CAB39: variants seen among roughly 807,000 people sequenced by gnomAD.
CAB39 encodes the protein calcium-binding protein 39.
In CAB39, 8 loss-of-function variants were observed where a neutral mutation model predicts 40.0. That is an observed-to-expected ratio of 0.20 (90% CI 0.12 to 0.36). CAB39 has a LOEUF of 0.36. Among genes scored for constraint, CAB39 ranks in the 10% least tolerant of loss-of-function variants. CAB39 has a pLI of 1.00. For synonymous variants in CAB39, 156 were observed against 141.6 expected (o/e 1.10, Z -0.72); for missense variants, 270 against 401.1 (o/e 0.67, Z 2.79).
intron 1 of CAB39, among the ~76,000 whole-genome samples, chr2:230,740,399 A>C (rs571366947): frequency 6.2e-4 from 94 of 152,364 alleles, no homozygotes; most frequent in African/African-American, 2.1e-3. Context: ...AAAAATTTAA[A>C]TGCCATACTA....
At chr2:230,761,230 A>G (rs1695284781) in intron 2 of CAB39, among the ~76,000 whole-genome samples, 1 of 152,212 alleles carries the variant, frequency 6.6e-6, no homozygotes, top group Non-Finnish European at 1.5e-5. Context: ...GTTTGTGTAC[A>G]TTGAAGTATC....
chr2:230,756,338 G>A (rs1695189390), intron 1 of CAB39, among the ~76,000 whole-genome samples: 1 of 152,176 alleles, frequency 6.6e-6, no homozygotes, highest in South Asian at 2.1e-4. Flanking sequence ...GAATACAGTA[G>A]GTATTTGTAA....
intron 2 of CAB39, among the ~76,000 whole-genome samples, chr2:230,764,942 A>C (rs909264257): frequency 3.9e-5 from 6 of 152,238 alleles, no homozygotes; most frequent in African/African-American, 1.4e-4. Flanking sequence ...GTCAAGATTT[A>C]ATAAAATTAA....
At chr2:230,815,670 A>C (rs1348647470) in intron 7 of CAB39, among the ~76,000 whole-genome samples, 1 of 152,174 alleles carries the variant, frequency 6.6e-6, no homozygotes, top group African/African-American at 2.4e-5. Context: ...TGTTTGGATA[A>C]GGAGAAAGGC....
At chr2:230,752,402 A>G (rs970122627) in intron 1 of CAB39, among the ~76,000 whole-genome samples, 1 of 152,178 alleles carries the variant, frequency 6.6e-6, no homozygotes, top group African/African-American at 2.4e-5. Flanking sequence ...CACAGTTCTG[A>G]AGACTAAGTC....
intron 2 of CAB39, among the ~76,000 whole-genome samples, chr2:230,763,306 T>C (rs1695327604): frequency 6.6e-6 from 1 of 152,204 alleles, no homozygotes; most frequent in Non-Finnish European, 1.5e-5. Flanking sequence ...AAATGTATAC[T>C]TAAAGTTGGG....
At chr2:230,793,392 GA>G (rs138833763) in intron 4 of CAB39, 61 bp downstream of exon 4, 7 of 777,978 alleles carry the variant, frequency 9.0e-6, no homozygotes, top group Non-Finnish European at 8.0e-6. Context: ...ATTGCCTTGG[GA>G]AAAAAAACAG....
intron 4 of CAB39, among the ~76,000 whole-genome samples, chr2:230,796,651 T>C (rs1695992424): frequency 1.3e-5 from 2 of 152,178 alleles, no homozygotes; most frequent in South Asian, 4.2e-4. Context: ...GAGTGTGGTT[T>C]TATCTTGTTG....
rs910277799 is a variant in CAB39 at position 230,746,506 on chromosome 2, G to A, written c.-43-13453G>A. 2.0e-5 allele frequency among the ~76,000 whole-genome samples: 3 copies of A among 152,154 alleles called. No individual in the cohort carries two copies. In the East Asian group the frequency reaches 5.8e-4, roughly 29 times the overall value. ...ATCAACCCTTTGAATATTCCATCTT[G>A]GGTATTACGTGAAGCCATCACACTT... On this transcript the variant is annotated intron_variant, in intron 1 of 8. Coordinates refer to ENST00000258418, the MANE Select transcript of CAB39 (RefSeq NM_016289.4).
chr2:230,781,257 T>A (rs1254904903), intron 2 of CAB39, among the ~76,000 whole-genome samples: 1 of 152,026 alleles, frequency 6.6e-6, no homozygotes, highest in Non-Finnish European at 1.5e-5. Context: ...TGAAGCTAGA[T>A]GTTCAGATAA....
intron 1 of CAB39, among the ~76,000 whole-genome samples, chr2:230,730,560 C>T (rs900009561): frequency 3.3e-5 from 5 of 151,660 alleles, no homozygotes; most frequent in Non-Finnish European, 7.4e-5. Flanking sequence ...TTTCCTGCCT[C>T]AGCCTCCTGA....
rs111576816 is a variant in CAB39 at position 230,782,363 on chromosome 2, G to A, written c.115-8509G>A. Among the ~76,000 whole-genome samples, 736 of 152,164 alleles carry A rather than the reference G, an allele frequency of 4.8e-3. 5 individuals carry two copies. Among genetic ancestry groups the A allele is most frequent in the African/African-American group, 0.017 (690 of 41,518 alleles). ...TATTTGTTAGAAATCTTTAAAATGT[G>A]GGAGGGGGGATGTCTCGTGGGGAGG... On this transcript the variant is annotated intron_variant, in intron 2 of 8. Transcript: ENST00000258418.
chr2:230,753,569 A>G (rs938746251), intron 1 of CAB39, among the ~76,000 whole-genome samples: 3 of 152,102 alleles, frequency 2.0e-5, no homozygotes, highest in Non-Finnish European at 4.4e-5. Flanking sequence ...CCTGGCCAAC[A>G]TGGTGAAACC....
chr2:230,734,842 T>C (rs1694758421), intron 1 of CAB39, among the ~76,000 whole-genome samples: 2 of 151,966 alleles, frequency 1.3e-5, no homozygotes, highest in African/African-American at 4.8e-5. Flanking sequence ...CTCTCAACTG[T>C]GGAGGGAGGA....
intron 2 of CAB39, among the ~76,000 whole-genome samples, chr2:230,782,813 C>CT (rs1212977897): frequency 0.052 from 4,278 of 81,740 alleles, 157 homozygotes; most frequent in African/African-American, 0.072. Context: ...TTCTTTCTTT[C>CT]TTTTTTTTTT....
chr2:230,756,054 G>A (rs73995140), intron 1 of CAB39, among the ~76,000 whole-genome samples: 8,249 of 152,244 alleles, frequency 0.054, 765 homozygotes, highest in African/African-American at 0.19. Flanking sequence ...GGAGAAAGCA[G>A]TACCAGCTGA....
intron 2 of CAB39, among the ~76,000 whole-genome samples, chr2:230,776,288 A>T (rs1215537842): frequency 6.6e-6 from 1 of 152,194 alleles, no homozygotes; most frequent in East Asian, 1.9e-4. Context: ...TAATTAATTC[A>T]CAGGAAGTTG....
At chr2:230,715,552 C>G (rs900599194) in intron 1 of CAB39, among the ~76,000 whole-genome samples, 2 of 152,156 alleles carry the variant, frequency 1.3e-5, no homozygotes, top group Non-Finnish European at 2.9e-5. Flanking sequence ...CTCCCCACTT[C>G]GCTCCTGAAA....
At position 230,786,970 on chromosome 2, in the gene CAB39, A is replaced by G. The variant is rs528153521; in HGVS notation, c.115-3902A>G. ...CAAGGCATTACCGATAATGAAGTGT[A>G]GTAACAGCAGGCTGGAAAAGGTAGA... On this transcript the variant is annotated intron_variant, in intron 2 of 8. Transcript: ENST00000258418. Among the ~76,000 whole-genome samples the G allele has an allele frequency of 9.8e-5, 15 of 152,346 alleles. No homozygotes were observed. The East Asian group carries it at 2.7e-3, about 27-fold the overall frequency.
Sources: gnomAD v4.1 joint callset for allele counts (sites outside exome capture counted in the v4.1 genomes callset) on GRCh38, gnomAD v4.1.1 for gene constraint, MANE v1.5 for transcripts, NCBI Gene and HGNC (gene_info 2026-07-23, HGNC 2026-07-21) for gene names.